CACNA2D1: variants seen among roughly 807,000 people sequenced by gnomAD.
The protein encoded by CACNA2D1 is calcium voltage-gated channel auxiliary subunit alpha2delta 1, also known as voltage-dependent calcium channel subunit alpha-2/delta-1.
In CACNA2D1, 53 loss-of-function variants were observed where a neutral mutation model predicts 171.5. The observed-to-expected ratio is 0.31, with a 90% confidence interval of 0.25 to 0.39. The LOEUF (loss-of-function observed/expected upper bound fraction) is 0.39, where lower values mean the gene tolerates loss of function less well. Among genes scored for constraint, CACNA2D1 ranks in the 10% least tolerant of loss-of-function variants. The pLI is 1.00. For synonymous variants in CACNA2D1, 442 were observed against 443.1 expected, an observed-to-expected ratio of 1.00 and a Z score of 0.03; for missense variants, 903 against 1,299.8, an observed-to-expected ratio of 0.69 and a Z score of 4.69.
chr7:82,152,871 G>A (rs1158085996), intron 4 of CACNA2D1, among the ~76,000 whole-genome samples: 4 of 151,764 alleles, frequency 2.6e-5, no homozygotes, highest in Admixed American at 1.3e-4. Flanking sequence ...ATTGGGCATT[G>A]TTCATTTAAT....
chr7:82,060,201 T>TG (rs747843223), intron 10 of CACNA2D1, among the ~76,000 whole-genome samples: 1 of 10,398 alleles, frequency 9.6e-5, no homozygotes, highest in Non-Finnish European at 2.6e-4. Flanking sequence ...TATATATATA[T>TG]TATATATATA....
chr7:82,156,566 TTTTA>T (rs1794394649), intron 4 of CACNA2D1, among the ~76,000 whole-genome samples: 3 of 152,178 alleles, frequency 2.0e-5, no homozygotes, highest in Middle Eastern at 3.4e-3. Context: ...ATCCTCCCCA[TTTTA>T]TTTGACTGTA....
rs77394154 is a variant in CACNA2D1 at position 82,429,771 on chromosome 7, T to C, written c.95+13594A>G. Among the ~76,000 whole-genome samples the C allele has an allele frequency of 6.6e-5, 10 of 152,256 alleles. No homozygotes were observed. The East Asian group carries it at 1.7e-3, about 26-fold the overall frequency. On this transcript the variant is annotated intron_variant, in intron 1 of 38. Coordinates refer to ENST00000356860, the MANE Select transcript of CACNA2D1 (RefSeq NM_000722.4). The stretch of plus-strand genomic sequence containing the variant: ...ACTCACCAATAGACCTTGACACCCA[T>C]GTATCAATCCTCTGGGAACTAAGCT...
intron 1 of CACNA2D1, among the ~76,000 whole-genome samples, chr7:82,437,633 A>G (rs1830204283): frequency 6.6e-6 from 1 of 152,184 alleles, no homozygotes; most frequent in African/African-American, 2.4e-5. Context: ...GAAATTAACT[A>G]TAAAAAGTGT....
At chr7:81,950,865 G>A (rs1792435801) in intron 38 of CACNA2D1, among the ~76,000 whole-genome samples, 1 of 151,980 alleles carries the variant, frequency 6.6e-6, no homozygotes, top group South Asian at 2.1e-4. Context: ...TTAATAGTAG[G>A]TTTTATAATT....
At chr7:82,025,368 C>G (rs772176020) in intron 12 of CACNA2D1, among the ~76,000 whole-genome samples, 2 of 151,522 alleles carry the variant, frequency 1.3e-5, no homozygotes, top group African/African-American at 2.4e-5. Context: ...AAGTTCGCCT[C>G]CTTTGTTAAG....
intron 3 of CACNA2D1, among the ~76,000 whole-genome samples, chr7:82,195,173 TA>T (rs1229380552): frequency 6.6e-6 from 1 of 151,988 alleles, no homozygotes; most frequent in Non-Finnish European, 1.5e-5. Context: ...GTACCAGGGA[TA>T]CAGATTTAAA....
At chr7:82,245,658 T>TCACA (rs1276289238) in intron 3 of CACNA2D1, among the ~76,000 whole-genome samples, 194 of 60,234 alleles carry the variant, frequency 3.2e-3, no homozygotes, top group African/African-American at 0.01. Context: ...TCTCTCTCTC[T>TCACA]CTCTCACACA....
At chr7:82,389,831 C>T (rs528372897) in intron 1 of CACNA2D1, among the ~76,000 whole-genome samples, 79 of 152,164 alleles carry the variant, frequency 5.2e-4, no homozygotes, top group African/African-American at 1.7e-3. Flanking sequence ...ATAAACATTC[C>T]CATAAATAGA....
At chr7:82,027,583 A>C in intron 12 of CACNA2D1, 1 of 151,838 alleles carries the variant, frequency 6.6e-6, no homozygotes, top group South Asian at 2.1e-4. Flanking sequence ...ATTGTAAAAT[A>C]ATATGCATAT....
rs751653277 is a variant in CACNA2D1 at position 82,443,351 on chromosome 7, G to C, written c.95+14C>G. The C allele has an allele frequency of 1.3e-6, 2 of 1,598,124 alleles. No homozygotes were observed. Among genetic ancestry groups the C allele is most frequent in the Non-Finnish European group, 1.7e-6 (2 of 1,172,876 alleles). ...CCCCTCGGCCGGCGCTCCCTGCCCG[G>C]CCCGCCGACTTACGTGACGGCCGAA... On this transcript the variant is annotated intron_variant, in intron 1 of 38. Coordinates refer to ENST00000356860, the MANE Select transcript of CACNA2D1 (RefSeq NM_000722.4).
In CACNA2D1 at chr7:82,032,835, C is replaced by G; in HGVS notation, c.1105G>C (p.Ala369Pro). The G allele has an allele frequency of 6.3e-7, 1 of 1,592,112 alleles. No homozygotes were observed. The highest frequency in any genetic ancestry group is 8.6e-7 in the Non-Finnish European group (1 of 1,161,406). Reference protein sequence around the residue: ...MLFTDGGEERAQEIFNKYNKD... With the variant: ...MLFTDGGEERPQEIFNKYNKD... ...TTGTATTTGTTAAATATCTCCTGGG[C>G]TCTCTCTTCTCCTCCATCCGTGAAT... The change falls in exon 12 of 39, where the codon GCC becomes CCC. Residue 369 changes from alanine to proline, a missense_variant. Physicochemically the swap from Ala to Pro is conservative, Grantham distance 27. Coordinates refer to ENST00000356860, the MANE Select transcript of CACNA2D1 (RefSeq NM_000722.4).
At chr7:82,332,561 A>AGAAAGAAG (rs1554514960) in intron 3 of CACNA2D1, among the ~76,000 whole-genome samples, 4 of 140,450 alleles carry the variant, frequency 2.8e-5, no homozygotes, top group African/African-American at 1.0e-4. Context: ...AAAGAAAGAA[A>AGAAAGAAG]GAAAGAACGA....
intron 5 of CACNA2D1, among the ~76,000 whole-genome samples, chr7:82,120,571 C>T (rs974915538): frequency 2.7e-5 from 4 of 149,770 alleles, no homozygotes; most frequent in African/African-American, 9.7e-5. Flanking sequence ...TGGATCAACA[C>T]TATGGATTAA....
At chr7:82,001,117 A>G (rs1156899163) in intron 18 of CACNA2D1, among the ~76,000 whole-genome samples, 1 of 152,142 alleles carries the variant, frequency 6.6e-6, no homozygotes, top group Non-Finnish European at 1.5e-5. Context: ...TTTTGTTGCC[A>G]AAAGGAAAAG....
intron 3 of CACNA2D1, among the ~76,000 whole-genome samples, chr7:82,205,866 G>T (rs1290936580): frequency 6.6e-6 from 1 of 151,972 alleles, no homozygotes; most frequent in Non-Finnish European, 1.5e-5. Flanking sequence ...AAACTGATTT[G>T]CTCCAATTAT....
At chr7:82,355,703 T>C (rs1419204517) in intron 1 of CACNA2D1, among the ~76,000 whole-genome samples, 1 of 152,110 alleles carries the variant, frequency 6.6e-6, no homozygotes, top group Non-Finnish European at 1.5e-5. Flanking sequence ...ATTATTATCA[T>C]CTGACTCCTT....
intron 1 of CACNA2D1, among the ~76,000 whole-genome samples, chr7:82,364,657 C>A (rs77793981): frequency 1.2e-3 from 188 of 152,306 alleles, no homozygotes; most frequent in African/African-American, 3.9e-3. Flanking sequence ...CAATCAGATT[C>A]TTCCTGCTAG....
At chr7:82,319,922 C>T (rs1264572377) in intron 3 of CACNA2D1, among the ~76,000 whole-genome samples, 2 of 152,184 alleles carry the variant, frequency 1.3e-5, no homozygotes, top group East Asian at 1.9e-4. Context: ...TTGACAGCGT[C>T]AGCTCCCGTA....
Sources: gnomAD v4.1 joint callset for allele counts (sites outside exome capture counted in the v4.1 genomes callset) on GRCh38, gnomAD v4.1.1 for gene constraint, MANE v1.5 for transcripts, NCBI Gene and HGNC (gene_info 2026-07-23, HGNC 2026-07-21) for gene names.